Variants in LGR4 observed in about 807,000 individuals in gnomAD.
The protein encoded by LGR4 is leucine-rich repeat-containing G protein-coupled receptor 4.
In LGR4, 44 loss-of-function variants were observed where a neutral mutation model predicts 84.8. The ratio of observed to expected loss-of-function variants is 0.52; its 90% CI spans 0.41 to 0.67. LGR4 has a LOEUF of 0.67. Among genes scored for constraint, LGR4 ranks in the 30% least tolerant of loss-of-function variants. The pLI, the probability that LGR4 is intolerant of heterozygous loss-of-function variation, is 0.00. For missense variants in LGR4, 1,032 were observed against 1,131.4 expected, an observed-to-expected ratio of 0.91 and a Z score of 1.26; for synonymous variants, 429 against 434.3, an observed-to-expected ratio of 0.99 and a Z score of 0.15.
chr11:27,419,627 A>T (rs1405785555), intron 1 of LGR4, among the ~76,000 whole-genome samples: 1 of 147,536 alleles, frequency 6.8e-6, no homozygotes, highest in African/African-American at 2.5e-5. Flanking sequence ...AATATATAAT[A>T]ATATATATAA....
At chr11:27,416,526 G>A (rs1314389595) in intron 1 of LGR4, among the ~76,000 whole-genome samples, 1 of 152,096 alleles carries the variant, frequency 6.6e-6, no homozygotes, top group Non-Finnish European at 1.5e-5. Flanking sequence ...AGACTAAAAG[G>A]AGACACCACA....
At chr11:27,458,437 A>C (rs1864613932) in intron 1 of LGR4, among the ~76,000 whole-genome samples, 1 of 152,202 alleles carries the variant, frequency 6.6e-6, no homozygotes, top group Non-Finnish European at 1.5e-5. Flanking sequence ...ATACATTGTG[A>C]AACTCATAGA....
At position 27,385,387 on chromosome 11, in the gene LGR4, A is replaced by T. The variant is rs559583578; in HGVS notation, c.483T>A (p.Asp161Glu). The T allele has an allele frequency of 6.2e-7, 1 of 1,612,752 alleles. No homozygotes were observed. The highest frequency in any genetic ancestry group is 1.1e-5 in the South Asian group (1 of 90,500). ...CAGGCACCTCCGTCAAGCTGTTGTCATCCAGCCACAGATGCCGTAACTGAA... is the reference window on the plus strand; with the variant it reads ...CAGGCACCTCCGTCAAGCTGTTGTCTTCCAGCCACAGATGCCGTAACTGAA... ...GLVQLRHLWL[D>E]DNSLTEVPVH... The change falls in exon 5 of 18, where the codon GAT becomes GAA. Residue 161 changes from aspartate (D) to glutamate (E), a missense_variant. Transcript: ENST00000379214.
intron 1 of LGR4, among the ~76,000 whole-genome samples, chr11:27,425,079 C>G (rs1186870504): frequency 2.0e-5 from 3 of 152,200 alleles, no homozygotes; most frequent in East Asian, 1.9e-4. Flanking sequence ...TCCAGTATAT[C>G]GATCCCCTCT....
chr11:27,402,425 C>T (rs1341360241), intron 2 of LGR4, among the ~76,000 whole-genome samples: 2 of 152,106 alleles, frequency 1.3e-5, no homozygotes, highest in African/African-American at 2.4e-5. Context: ...TAAGGAGATA[C>T]CCTGGGTTCT....
chr11:27,451,305 T>G (rs1565097917), intron 1 of LGR4, among the ~76,000 whole-genome samples: 1 of 152,168 alleles, frequency 6.6e-6, no homozygotes, highest in Non-Finnish European at 1.5e-5. Context: ...ACTTAAGAAC[T>G]GAGGCCTAAG....
At chr11:27,410,687 G>A (rs1413716491) in intron 2 of LGR4, among the ~76,000 whole-genome samples, 1 of 152,080 alleles carries the variant, frequency 6.6e-6, no homozygotes, top group Admixed American at 6.6e-5. Context: ...TACTGTAAAA[G>A]TTATTAAAGA....
chr11:27,371,852 G>GT (rs985482134), intron 16 of LGR4, among the ~76,000 whole-genome samples, 154 bp from the exon 17 acceptor site: 3 of 151,672 alleles, frequency 2.0e-5, no homozygotes, highest in Admixed American at 1.3e-4. Flanking sequence ...GAATGCCATT[G>GT]TTTTTTTTGG....
chr11:27,394,088 T>C (rs1465351300), intron 2 of LGR4, among the ~76,000 whole-genome samples: 2 of 152,274 alleles, frequency 1.3e-5, no homozygotes, highest in East Asian at 3.9e-4. Flanking sequence ...GCACAGTTCA[T>C]GCTCCTAAAC....
intron 1 of LGR4, among the ~76,000 whole-genome samples, chr11:27,458,251 T>A (rs76450618): frequency 6.6e-6 from 1 of 152,200 alleles, no homozygotes; most frequent in Non-Finnish European, 1.5e-5. Context: ...TTATTACATT[T>A]ATATGGCATC....
intron 2 of LGR4, among the ~76,000 whole-genome samples, chr11:27,398,956 G>A (rs985512200): frequency 3.3e-5 from 5 of 151,972 alleles, no homozygotes; most frequent in Non-Finnish European, 7.4e-5. Flanking sequence ...GCCCAGGCTG[G>A]AGTGCAATGG....
chr11:27,388,318 C>A (rs968260050), intron 4 of LGR4, among the ~76,000 whole-genome samples: 1 of 152,064 alleles, frequency 6.6e-6, no homozygotes, highest in African/African-American at 2.4e-5. Context: ...GGCTTTGTAA[C>A]AATGATCTAT....
intron 1 of LGR4, among the ~76,000 whole-genome samples, chr11:27,450,441 A>G (rs1209918516): frequency 6.6e-6 from 1 of 152,166 alleles, no homozygotes; most frequent in Admixed American, 6.5e-5. Context: ...TGGAAATGAA[A>G]CGGAACTTCC....
In LGR4 at chr11:27,371,708, T is replaced by A; in HGVS notation, c.1496-10A>T. On this transcript the variant is annotated splice_polypyrimidine_tract_variant and intron_variant, in intron 16 of 17. Transcript: ENST00000379214. ...GCTGCATCAGCAGTACCTGAACATA[T>A]AACACAAAGCATGTTTAATTAAAAC... The A allele has an allele frequency of 3.1e-6, 5 of 1,590,666 alleles. No individual in the cohort carries two copies. Among genetic ancestry groups the A allele is most frequent in the Non-Finnish European group, 4.3e-6 (5 of 1,161,620 alleles).
intron 1 of LGR4, among the ~76,000 whole-genome samples, chr11:27,435,445 A>G (rs1192644074): frequency 6.6e-6 from 1 of 152,056 alleles, no homozygotes; most frequent in Non-Finnish European, 1.5e-5. Flanking sequence ...TCCTTTCTAG[A>G]TAACACTTAT....
chr11:27,460,163 A>G (rs1864656233), intron 1 of LGR4, among the ~76,000 whole-genome samples: 1 of 152,148 alleles, frequency 6.6e-6, no homozygotes, highest in Middle Eastern at 3.2e-3. Context: ...CTCCTGTCAC[A>G]CCTGCTGATG....
At chr11:27,419,853 T>G (rs1371405897) in intron 1 of LGR4, among the ~76,000 whole-genome samples, 1 of 151,986 alleles carries the variant, frequency 6.6e-6, no homozygotes, top group Non-Finnish European at 1.5e-5. Flanking sequence ...ATTGCACGAT[T>G]CCATTTATAC....
intron 1 of LGR4, among the ~76,000 whole-genome samples, chr11:27,419,803 C>T (rs983144906): frequency 2.3e-4 from 35 of 151,796 alleles, no homozygotes; most frequent in Non-Finnish European, 4.9e-4. Flanking sequence ...TTTCAAACAC[C>T]TTATGCTAAG....
At chr11:27,373,366 T>C (rs1298982255) in intron 15 of LGR4, 185 bp downstream of exon 15, 2 of 494,696 alleles carry the variant, frequency 4.0e-6, no homozygotes, top group Non-Finnish European at 7.0e-6. Context: ...CAGTTCACAT[T>C]CTTAAAGACT....
Sources: gnomAD v4.1 joint callset for allele counts (sites outside exome capture counted in the v4.1 genomes callset) on GRCh38, gnomAD v4.1.1 for gene constraint, MANE v1.5 for transcripts, NCBI Gene and HGNC (gene_info 2026-07-23, HGNC 2026-07-21) for gene names.